The following DNM3 variants were observed in gnomAD, a reference collection of about 807,000 sequenced individuals.
DNM3 encodes dynamin-3.
DNM3 carries 47 observed loss-of-function variants against 101.6 expected under a neutral mutation model. That is an observed-to-expected ratio of 0.46 (90% CI 0.37 to 0.59). The LOEUF is 0.59. DNM3 is among the 20% of genes least tolerant of loss of function. The pLI, the probability that DNM3 is intolerant of heterozygous loss-of-function variation, is 0.00. For missense variants in DNM3, 849 were observed against 1,085.7 expected (o/e 0.78, Z 3.06); for synonymous variants, 385 against 387.9 (o/e 0.99, Z 0.09).
intron 14 of DNM3, among the ~76,000 whole-genome samples, chr1:172,155,410 A>G (rs374477378): frequency 6.6e-6 from 1 of 151,988 alleles, no homozygotes; most frequent in Admixed American, 6.6e-5. Flanking sequence ...CTCCTGCTTT[A>G]TGGTGGAGAA....
chr1:171,902,762 G>A (rs1249227958), intron 1 of DNM3, among the ~76,000 whole-genome samples: 1 of 152,082 alleles, frequency 6.6e-6, no homozygotes, highest in Non-Finnish European at 1.5e-5. Context: ...ATCAAGGATT[G>A]GAAATTCCAA....
intron 16 of DNM3, among the ~76,000 whole-genome samples, chr1:172,318,759 C>A (rs1338005060): frequency 6.6e-6 from 1 of 152,172 alleles, no homozygotes; most frequent in Non-Finnish European, 1.5e-5. Context: ...AATGGAAGAA[C>A]ATTCCATGCT....
At chr1:172,276,508 A>G (rs1395117136) in intron 15 of DNM3, among the ~76,000 whole-genome samples, 3 of 151,482 alleles carry the variant, frequency 2.0e-5, no homozygotes, top group Admixed American at 1.3e-4. Flanking sequence ...AATTCTTTTA[A>G]ATCCTGTAAC....
At position 172,411,145 on chromosome 1, in the gene DNM3, A is replaced by T; in HGVS notation, c.*3304A>T. The T allele has an allele frequency of 1.0e-6, 1 of 985,068 alleles. No individual in the cohort carries two copies. The highest frequency in any genetic ancestry group is 1.2e-6 in the Non-Finnish European group (1 of 829,612). The allele number at this position is 985,068 out of a possible 1,614,324, so 61.0% of individuals were successfully genotyped here. ...ATATCTATGTATACATGTACTTAGT[A>T]TGTGTGGTATCAGGATATTTTTTAA... On this transcript the variant is annotated 3_prime_UTR_variant, in exon 21 of 21. Coordinates refer to ENST00000627582, the MANE Select transcript of DNM3 (RefSeq NM_015569.5).
At chr1:172,273,665 A>G (rs865955338) in intron 15 of DNM3, among the ~76,000 whole-genome samples, 3 of 152,136 alleles carry the variant, frequency 2.0e-5, no homozygotes, top group African/African-American at 7.2e-5. Context: ...TCTAGTACAC[A>G]ACTTTACTTT....
intron 14 of DNM3, among the ~76,000 whole-genome samples, chr1:172,243,469 T>G (rs2148656789): frequency 6.6e-6 from 1 of 152,252 alleles, no homozygotes; most frequent in South Asian, 2.1e-4. Flanking sequence ...AGCTGGACTC[T>G]GAAGAGGAGG....
intron 4 of DNM3, among the ~76,000 whole-genome samples, chr1:172,028,450 C>T (rs1308431152): frequency 2.6e-5 from 4 of 152,096 alleles, no homozygotes; most frequent in Non-Finnish European, 5.9e-5. Flanking sequence ...CACTAAATGC[C>T]CACAGGAGAA....
chr1:172,245,675 T>C (rs1166504171), intron 14 of DNM3, among the ~76,000 whole-genome samples: 1 of 152,178 alleles, frequency 6.6e-6, no homozygotes, highest in Non-Finnish European at 1.5e-5. Context: ...GGGAGCTAGA[T>C]AGAGCTGCTC....
intron 15 of DNM3, among the ~76,000 whole-genome samples, chr1:172,274,716 A>G (rs2063212798): frequency 1.6e-5 from 2 of 123,334 alleles, no homozygotes; most frequent in Non-Finnish European, 3.3e-5. Flanking sequence ...AACCTTCTCT[A>G]GTGAAGGTTT....
At chr1:171,860,441 A>G (rs1180655478) in intron 1 of DNM3, among the ~76,000 whole-genome samples, 2 of 152,190 alleles carry the variant, frequency 1.3e-5, no homozygotes, top group Non-Finnish European at 2.9e-5. Flanking sequence ...TAATGATTTT[A>G]TATTGATTAT....
At chr1:172,110,815 T>A (rs898441293) in intron 13 of DNM3, among the ~76,000 whole-genome samples, 4 of 152,210 alleles carry the variant, frequency 2.6e-5, no homozygotes, top group Non-Finnish European at 4.4e-5. Context: ...GCAGGTGGAT[T>A]GCTTGAGCCC....
intron 14 of DNM3, among the ~76,000 whole-genome samples, chr1:172,172,287 A>G (rs2058990952): frequency 6.6e-6 from 1 of 151,666 alleles, no homozygotes; most frequent in Non-Finnish European, 1.5e-5. Context: ...CACAGGGACT[A>G]CATTCCAAGA....
chr1:172,400,221 C>T (rs2070364628), intron 20 of DNM3, among the ~76,000 whole-genome samples: 1 of 152,122 alleles, frequency 6.6e-6, no homozygotes, highest in Non-Finnish European at 1.5e-5. Context: ...TCCTTTCTGC[C>T]TCCTCCTTCC....
intron 15 of DNM3, among the ~76,000 whole-genome samples, chr1:172,258,122 T>C (rs977083639): frequency 2.0e-4 from 31 of 152,154 alleles, no homozygotes; most frequent in African/African-American, 6.5e-4. Context: ...ATTTTATTCT[T>C]TTTTTATGGC....
At chr1:172,227,082 A>G (rs979315285) in intron 14 of DNM3, among the ~76,000 whole-genome samples, 4 of 151,182 alleles carry the variant, frequency 2.6e-5, no homozygotes, top group Admixed American at 2.6e-4. Flanking sequence ...CTGAGTCTCC[A>G]ATGTCCATTA....
chr1:172,152,732 C>T (rs570554783), intron 14 of DNM3, among the ~76,000 whole-genome samples: 71 of 152,190 alleles, frequency 4.7e-4, no homozygotes, highest in East Asian at 2.5e-3. Flanking sequence ...ACCATTCCCA[C>T]GGTATGTGTC....
chr1:172,226,377 A>G (rs962534804), intron 14 of DNM3, among the ~76,000 whole-genome samples: 39 of 152,344 alleles, frequency 2.6e-4, no homozygotes, highest in African/African-American at 8.4e-4. Flanking sequence ...ATTACAGAGT[A>G]CATACTTAAC....
intron 12 of DNM3, among the ~76,000 whole-genome samples, chr1:172,090,607 T>G (rs991067047): frequency 6.6e-6 from 1 of 152,174 alleles, no homozygotes; most frequent in African/African-American, 2.4e-5. Context: ...TTAGCAAATT[T>G]TAAATTGGAA....
intron 1 of DNM3, among the ~76,000 whole-genome samples, chr1:171,913,597 G>A (rs1370838009): frequency 1.3e-5 from 2 of 152,138 alleles, no homozygotes; most frequent in African/African-American, 4.8e-5. Flanking sequence ...TAGCACCATT[G>A]TGTTCAGGGT....
Sources: gnomAD v4.1 joint callset for allele counts (sites outside exome capture counted in the v4.1 genomes callset) on GRCh38, gnomAD v4.1.1 for gene constraint, MANE v1.5 for transcripts, NCBI Gene and HGNC (gene_info 2026-07-23, HGNC 2026-07-21) for gene names.